Variants in NIPBL observed in about 807,000 individuals in gnomAD.
NIPBL encodes the protein NIPBL cohesin loading factor.
NIPBL carries 19 observed loss-of-function variants against 321.8 expected under a neutral mutation model. That is an observed-to-expected ratio of 0.06 (90% CI 0.04 to 0.09). NIPBL has a LOEUF of 0.09. Among genes scored for constraint, NIPBL ranks in the 10% least tolerant of loss-of-function variants. NIPBL has a pLI of 1.00. For synonymous variants in NIPBL, 1,106 were observed against 1,114.1 expected (o/e 0.99, Z 0.14); for missense variants, 2,210 against 3,327.0 (o/e 0.66, Z 8.26).
At chr5:36,883,429 G>T (rs2149516789) in intron 1 of NIPBL, among the ~76,000 whole-genome samples, 1 of 151,836 alleles carries the variant, frequency 6.6e-6, no homozygotes, top group East Asian at 1.9e-4. Context: ...TAAAATGCTG[G>T]ATTTCCTTTT....
chr5:36,949,966 C>T (rs1740087868), intron 1 of NIPBL, among the ~76,000 whole-genome samples: 1 of 151,864 alleles, frequency 6.6e-6, no homozygotes, highest in African/African-American at 2.4e-5. Flanking sequence ...TAATATCTTC[C>T]CCTAATTAAG....
intron 8 of NIPBL, among the ~76,000 whole-genome samples, chr5:36,974,171 C>T (rs868339968): frequency 7.9e-5 from 12 of 152,018 alleles, no homozygotes; most frequent in African/African-American, 2.7e-4. Context: ...AGATAACTAG[C>T]TTTTTTTCTT....
chr5:36,937,386 G>A (rs1424686571), intron 1 of NIPBL, among the ~76,000 whole-genome samples: 1 of 152,130 alleles, frequency 6.6e-6, no homozygotes, highest in Non-Finnish European at 1.5e-5. Context: ...TGTATTAATA[G>A]AGGACTGACT....
rs1362338814 is a variant in NIPBL at position 36,985,017 on chromosome 5, A to G, written c.1837A>G (p.Met613Val). 1.9e-6 allele frequency: 3 copies of G among 1,613,948 alleles called. No individual in the cohort carries two copies. The highest frequency in any genetic ancestry group is 8.5e-7 in the Non-Finnish European group (1 of 1,179,960). ...KSDPELSKSE[M>V]KQSESRLAES... is the part of the protein sequence containing the mutation. Reference sequence around the variant, plus strand: ...TGATCCTGAGCTTTCAAAGAGTGAAATGAAACAAAGTGAAAGTAGATTAGC... The same window carrying G: ...TGATCCTGAGCTTTCAAAGAGTGAAGTGAAACAAAGTGAAAGTAGATTAGC... Residue 613 changes from methionine (M) to valine (V), a missense_variant, in exon 10 of 47, where the codon ATG (methionine) becomes GTG (valine). By Grantham distance (21) the Met-to-Val change is conservative. Coordinates refer to ENST00000282516, the MANE Select transcript of NIPBL (RefSeq NM_133433.4).
chr5:37,065,226 G>A lies in NIPBL; in HGVS notation c.*334G>A, dbSNP rs181989563. ...TAATGTTCTTAATAAAGTGTTCTTG[G>A]AGTTTAACCTAGCAGCGGATGGCTT... is the stretch of plus-strand genomic sequence containing the variant. On this transcript the variant is annotated 3_prime_UTR_variant, in exon 47 of 47. Transcript: ENST00000282516. 3.0e-4 allele frequency: 90 copies of A among 297,936 alleles called. No individual in the cohort carries two copies. The highest frequency in any genetic ancestry group is 2.4e-3 in the Admixed American group (50 of 20,424). 18.5% of individuals were successfully genotyped at this position (297,936 alleles called of 1,614,324 possible).
intron 1 of NIPBL, among the ~76,000 whole-genome samples, chr5:36,898,744 C>T (rs1320599993): frequency 6.6e-6 from 1 of 152,138 alleles, no homozygotes; most frequent in African/African-American, 2.4e-5. Context: ...CTCCCGACCT[C>T]AGGCGATCCA....
intron 1 of NIPBL, among the ~76,000 whole-genome samples, chr5:36,904,371 A>C (rs1214978828): frequency 2.0e-5 from 3 of 152,210 alleles, no homozygotes; most frequent in Non-Finnish European, 4.4e-5. Flanking sequence ...TGGGAGGCTG[A>C]GGCAGGAGAA....
intron 8 of NIPBL, among the ~76,000 whole-genome samples, chr5:36,975,374 A>C (rs1743324152): frequency 2.6e-5 from 4 of 152,166 alleles, no homozygotes; most frequent in Admixed American, 2.0e-4. Flanking sequence ...TACTTTAATC[A>C]GGATATATCT....
intron 13 of NIPBL, 25 bp from the exon 14 acceptor site, chr5:37,000,964 A>G (rs776397457): frequency 3.1e-6 from 5 of 1,594,234 alleles, no homozygotes; most frequent in Non-Finnish European, 3.4e-6. Context: ...TGTGAGAATA[A>G]TGAATATATT....
At chr5:37,033,731 T>TATATATATA (rs1491233297) in intron 32 of NIPBL, among the ~76,000 whole-genome samples, 1 of 38,258 alleles carries the variant, frequency 2.6e-5, no homozygotes, top group African/African-American at 9.1e-5. Flanking sequence ...TATATATATA[T>TATATATATA]TTTTTTTTTT....
intron 41 of NIPBL, 83 bp downstream of exon 41, chr5:37,051,969 T>G (rs573776131): frequency 3.4e-5 from 33 of 965,230 alleles, no homozygotes; most frequent in Non-Finnish European, 4.8e-5. Context: ...CTGCCCACAT[T>G]CATAATTGGA....
At chr5:36,904,095 G>T (rs905048866) in intron 1 of NIPBL, among the ~76,000 whole-genome samples, 1 of 152,180 alleles carries the variant, frequency 6.6e-6, no homozygotes, top group African/African-American at 2.4e-5. Flanking sequence ...AAATAGAAGT[G>T]CTCGTAAGTA....
intron 1 of NIPBL, among the ~76,000 whole-genome samples, chr5:36,952,048 GTGTGTGCGCGCGCGCGCGCGCGCGCA>G (rs1310351472): frequency 4.2e-4 from 49 of 116,840 alleles, no homozygotes; most frequent in South Asian, 2.3e-3. Flanking sequence ...GTGTGTGTGT[GTGTGTGCGCGCGCGCGCGCGCGCGCA>G]TGTGTGTGTG....
chr5:36,892,604 A>G (rs2149525442), intron 1 of NIPBL, among the ~76,000 whole-genome samples: 1 of 152,340 alleles, frequency 6.6e-6, no homozygotes, highest in South Asian at 2.1e-4. Context: ...AATACTATGC[A>G]GCCATAAAAA....
intron 1 of NIPBL, chr5:36,886,403 A>G: frequency 1.4e-6 from 1 of 734,420 alleles, no homozygotes; most frequent in Admixed American, 1.8e-5. Context: ...GACAGCAGCA[A>G]CTCCATGCAA....
intron 1 of NIPBL, among the ~76,000 whole-genome samples, chr5:36,884,361 AT>A (rs1745727880): frequency 6.6e-6 from 1 of 152,200 alleles, no homozygotes; most frequent in African/African-American, 2.4e-5. Flanking sequence ...GTAGAAAAGC[AT>A]TGACATTAAC....
intron 41 of NIPBL, 58 bp from the exon 42 acceptor site, chr5:37,052,308 A>C (rs917303898): frequency 1.8e-5 from 25 of 1,359,696 alleles, no homozygotes; most frequent in Non-Finnish European, 2.5e-5. Flanking sequence ...CTCTAAGTAT[A>C]TTTTTAATTT....
At chr5:36,915,098 T>A (rs1300253252) in intron 1 of NIPBL, among the ~76,000 whole-genome samples, 1 of 152,058 alleles carries the variant, frequency 6.6e-6, no homozygotes, top group Non-Finnish European at 1.5e-5. Context: ...TCTTGGGCAC[T>A]TAATTAGTTA....
intron 1 of NIPBL, among the ~76,000 whole-genome samples, chr5:36,928,308 A>G (rs1212799674): frequency 6.6e-6 from 1 of 152,190 alleles, no homozygotes; most frequent in Non-Finnish European, 1.5e-5. Flanking sequence ...TAAAAACATG[A>G]TTGCTTTGCC....
Sources: gnomAD v4.1 joint callset for allele counts (sites outside exome capture counted in the v4.1 genomes callset) on GRCh38, gnomAD v4.1.1 for gene constraint, MANE v1.5 for transcripts, NCBI Gene and HGNC (gene_info 2026-07-23, HGNC 2026-07-21) for gene names.